The following ZNF710 variants were observed in gnomAD, a reference collection of about 807,000 sequenced individuals.
The protein encoded by ZNF710 is zinc finger protein 710.
A neutral mutation model predicts 50.6 loss-of-function variants in ZNF710; 13 were observed. The observed-to-expected ratio is 0.26, with a 90% CI of 0.17 to 0.41. The LOEUF (loss-of-function observed/expected upper bound fraction) is 0.41. ZNF710 is among the 10% of genes least tolerant of loss of function. The pLI is 1.00. For missense variants in ZNF710, 721 were observed against 936.6 expected (o/e 0.77, Z 3.01); for synonymous variants, 383 against 397.0 (o/e 0.96, Z 0.42).
intron 1 of ZNF710, among the ~76,000 whole-genome samples, chr15:90,014,664 T>C (rs1011366672): frequency 6.6e-6 from 1 of 152,178 alleles, no homozygotes; most frequent in South Asian, 2.1e-4. Flanking sequence ...GAAAGTACTT[T>C]CTAAGAATGA....
chr15:90,052,938 A>T (rs1202940036), intron 1 of ZNF710, among the ~76,000 whole-genome samples: 1 of 152,148 alleles, frequency 6.6e-6, no homozygotes, highest in African/African-American at 2.4e-5. Flanking sequence ...GCCTCAAAAA[A>T]TAATAATTAT....
At chr15:90,037,403 C>T (rs554851501) in intron 1 of ZNF710, among the ~76,000 whole-genome samples, 206 of 152,290 alleles carry the variant, frequency 1.4e-3, no homozygotes, top group African/African-American at 4.8e-3. Flanking sequence ...GGGCTTTTCT[C>T]CACTGATGGG....
intron 2 of ZNF710, among the ~76,000 whole-genome samples, chr15:90,071,220 C>G (rs775760986): frequency 1.3e-5 from 2 of 150,998 alleles, no homozygotes; most frequent in African/African-American, 2.4e-5. Context: ...AAGACCGTGC[C>G]GCTGTACTCT....
intron 1 of ZNF710, among the ~76,000 whole-genome samples, chr15:90,010,623 C>T (rs922429674): frequency 7.2e-5 from 11 of 152,010 alleles, no homozygotes; most frequent in Non-Finnish European, 1.3e-4. Flanking sequence ...TTTCTACCAT[C>T]GTATTTGGTG....
intron 1 of ZNF710, chr15:90,006,784 G>A (rs1702040377): frequency 6.5e-6 from 1 of 154,802 alleles, no homozygotes; most frequent in African/African-American, 2.4e-5. Context: ...GAGATGCAGA[G>A]CCCTGGGCTC....
chr15:90,047,107 C>T (rs1480929186), intron 1 of ZNF710, among the ~76,000 whole-genome samples: 1 of 152,104 alleles, frequency 6.6e-6, no homozygotes, highest in East Asian at 1.9e-4. Context: ...GAAAGAGGTT[C>T]TGGGGGTGGG....
intron 1 of ZNF710, among the ~76,000 whole-genome samples, chr15:90,011,872 C>T (rs1898313699): frequency 6.6e-6 from 1 of 152,056 alleles, no homozygotes; most frequent in Admixed American, 6.6e-5. Context: ...TCAGTATTTA[C>T]AAGCGTCATT....
chr15:90,006,724 C>T (rs141244870), intron 1 of ZNF710: 1 of 154,754 alleles, frequency 6.5e-6, no homozygotes, highest in Non-Finnish European at 1.5e-5. Context: ...AACCTTGCCA[C>T]TCCATATGTG....
chr15:90,072,338 C>G (rs1900416916), intron 2 of ZNF710, among the ~76,000 whole-genome samples: 1 of 152,186 alleles, frequency 6.6e-6, no homozygotes, highest in Non-Finnish European at 1.5e-5. Context: ...CTGGGCCCAT[C>G]CCAGGCCCCA....
intron 1 of ZNF710, among the ~76,000 whole-genome samples, chr15:90,021,019 C>CCG (rs66682813): frequency 0.049 from 1,960 of 40,346 alleles, 24 homozygotes; most frequent in Non-Finnish European, 0.079. Context: ...ACCCCCCCCC[C>CCG]CTTAGCAGCC....
At chr15:90,031,869 G>C (rs1457643110) in intron 1 of ZNF710, among the ~76,000 whole-genome samples, 1 of 152,184 alleles carries the variant, frequency 6.6e-6, no homozygotes, top group Non-Finnish European at 1.5e-5. Flanking sequence ...GGCCAGCTAT[G>C]AACTGTTACA....
intron 1 of ZNF710, among the ~76,000 whole-genome samples, chr15:90,016,347 A>G (rs963785348): frequency 6.6e-6 from 1 of 152,194 alleles, no homozygotes; most frequent in Non-Finnish European, 1.5e-5. Context: ...GCCCAAGTTC[A>G]TGGAGAGAGT....
intron 1 of ZNF710, among the ~76,000 whole-genome samples, chr15:90,033,519 T>C (rs960560488): frequency 6.6e-6 from 1 of 152,200 alleles, no homozygotes; most frequent in East Asian, 1.9e-4. Context: ...CTACTCCACG[T>C]TGAGCCTTCT....
intron 1 of ZNF710, among the ~76,000 whole-genome samples, chr15:90,001,966 TGAGAGAGA>T (rs745830369): frequency 1.2e-3 from 112 of 96,842 alleles, no homozygotes; most frequent in Middle Eastern, 6.5e-3. Flanking sequence ...AGCGCGCGAA[TGAGAGAGA>T]GAGAGAGAGA....
rs754017962 is a variant in ZNF710 at position 90,079,738 on chromosome 15, C to T, written c.1904C>T (p.Ala635Val). 3 of 1,613,758 alleles carry T rather than the reference C, an allele frequency of 1.9e-6. No individual in the cohort carries two copies. The African/African-American group carries it at 4.0e-5, about 22-fold the overall frequency. Residue 635 changes from alanine (A) to valine (V), a missense_variant, in exon 5 of 5, where the codon GCC (alanine) becomes GTC (valine). By Grantham distance (64) the Ala-to-Val change is moderately conservative (BLOSUM62 0). Coordinates refer to ENST00000268154, the MANE Select transcript of ZNF710 (RefSeq NM_198526.4). ...GAGATGGAGGACTTCGAGGAGAACG[C>T]CTACAGCTATGCGAGCGTGGACAGC... ...QQEMEDFEENAYSYASVDSSA... is the reference protein window; with the variant it reads ...QQEMEDFEENVYSYASVDSSA...
chr15:90,063,779 C>G (rs963836020), intron 1 of ZNF710, among the ~76,000 whole-genome samples: 2 of 152,178 alleles, frequency 1.3e-5, no homozygotes, highest in African/African-American at 2.4e-5. Context: ...CTCTCCTCAC[C>G]TCTAAAGCAG....
At chr15:90,029,547 G>A (rs117119002) in intron 1 of ZNF710, among the ~76,000 whole-genome samples, 1,544 of 152,236 alleles carry the variant, frequency 0.01, 16 homozygotes, top group Non-Finnish European at 0.017. Context: ...TGGGAGGATC[G>A]CTTGCGGCCA....
At chr15:90,024,081 A>G (rs1282094183) in intron 1 of ZNF710, among the ~76,000 whole-genome samples, 8 of 151,988 alleles carry the variant, frequency 5.3e-5, no homozygotes, top group Non-Finnish European at 1.2e-4. Flanking sequence ...TTATAGAGAA[A>G]GGATGTCTGT....
At chr15:90,019,487 T>C (rs1282304734) in intron 1 of ZNF710, among the ~76,000 whole-genome samples, 1 of 152,204 alleles carries the variant, frequency 6.6e-6, no homozygotes, top group East Asian at 1.9e-4. Flanking sequence ...TTCGTCTAGA[T>C]GGGTAAATTG....
Sources: gnomAD v4.1 joint callset for allele counts (sites outside exome capture counted in the v4.1 genomes callset) on GRCh38, gnomAD v4.1.1 for gene constraint, MANE v1.5 for transcripts, NCBI Gene and HGNC (gene_info 2026-07-23, HGNC 2026-07-21) for gene names.